Variants in HPSE2 observed in about 807,000 individuals in gnomAD.
HPSE2 encodes the protein inactive heparanase-2.
Under a neutral mutation model 60.5 loss-of-function variants are expected in HPSE2, and 38 were observed. The observed-to-expected ratio is 0.63, with a 90% CI of 0.48 to 0.82. The LOEUF (loss-of-function observed/expected upper bound fraction) is 0.82, where lower values mean the gene tolerates loss of function less well. Ranked by LOEUF, HPSE2 falls within the 40% of genes least tolerant of loss-of-function variation. The pLI, the probability that HPSE2 is intolerant of heterozygous loss-of-function variation, is 0.00. For missense variants in HPSE2, 713 were observed against 740.4 expected, an observed-to-expected ratio of 0.96 and a Z score of 0.43; for synonymous variants, 295 against 293.2, an observed-to-expected ratio of 1.01 and a Z score of -0.06.
chr10:98,459,672 G>T lies in HPSE2; in HGVS notation c.1681C>A (p.Arg561Ser), dbSNP rs201787008. The T allele has an allele frequency of 3.7e-5, 60 of 1,613,998 alleles. No homozygotes were observed. Among genetic ancestry groups the T allele is most frequent in the Non-Finnish European group, 6.8e-6 (8 of 1,180,020 alleles). The change falls in exon 12 of 12, where the codon CGC becomes AGC. Residue 561 changes from arginine (R) to serine (S), a missense_variant. Coordinates refer to ENST00000370552, the MANE Select transcript of HPSE2 (RefSeq NM_021828.5). ...DDGTLPELKP[R>S]PLRAGRTLVI... Reference sequence around the variant, plus strand: ...AATGTCCGGCCGGCCCGAAGGGGGCGGGGCTTCAATTCTGGGAGGGTCCCG... The same window carrying T: ...AATGTCCGGCCGGCCCGAAGGGGGCTGGGCTTCAATTCTGGGAGGGTCCCG...
intron 9 of HPSE2, among the ~76,000 whole-genome samples, chr10:98,600,895 A>ATATATGTGTGTGTG (rs1450872755): frequency 1.4e-5 from 1 of 69,418 alleles, no homozygotes; most frequent in Non-Finnish European, 3.2e-5. Context: ...ATATATACGT[A>ATATATGTGTGTGTG]TATATATGTG....
At chr10:98,987,269 C>T (rs1956387406) in intron 3 of HPSE2, among the ~76,000 whole-genome samples, 1 of 152,124 alleles carries the variant, frequency 6.6e-6, no homozygotes, top group South Asian at 2.1e-4. Context: ...CAAACCAAAT[C>T]CAGCAGCACA....
intron 3 of HPSE2, among the ~76,000 whole-genome samples, chr10:98,959,725 G>C (rs1296291809): frequency 6.6e-6 from 1 of 152,082 alleles, no homozygotes; most frequent in Non-Finnish European, 1.5e-5. Flanking sequence ...CAGACACATG[G>C]TCAGATTGGG....
chr10:99,014,714 T>G (rs1278585465), intron 3 of HPSE2, among the ~76,000 whole-genome samples: 3 of 152,196 alleles, frequency 2.0e-5, no homozygotes, highest in Non-Finnish European at 4.4e-5. Context: ...GATGTTGAGC[T>G]TTTCTTCACG....
chr10:99,270,097 A>T, the HPSE2 span, among the ~76,000 whole-genome samples: 1 of 152,164 alleles, frequency 6.6e-6, no homozygotes, highest in Non-Finnish European at 1.5e-5. Flanking sequence ...AATAAACCAA[A>T]CCCAAACCCA....
rs1234823119 is a variant in HPSE2 at position 99,011,837 on chromosome 10, G to C, written c.610+132401C>G. Among the ~76,000 whole-genome samples the C allele has an allele frequency of 2.7e-5, 4 of 148,908 alleles. No homozygotes were observed. The East Asian group carries it at 7.9e-4, about 30-fold the overall frequency. On this transcript the variant is annotated intron_variant, in intron 3 of 11. Transcript: ENST00000370552. The stretch of plus-strand genomic sequence containing the variant: ...TACTTCTTTGTACAAATAATACATT[G>C]TATCAATCAATCTTTAAAAGAAATT...
At chr10:99,099,433 C>G (rs1279759869) in intron 3 of HPSE2, among the ~76,000 whole-genome samples, 1 of 152,154 alleles carries the variant, frequency 6.6e-6, no homozygotes, top group African/African-American at 2.4e-5. Flanking sequence ...AAGGCAGCAG[C>G]GAGGCTGGGG....
intron 3 of HPSE2, among the ~76,000 whole-genome samples, chr10:99,011,832 A>G (rs1390520843): frequency 6.6e-6 from 1 of 151,910 alleles, no homozygotes; most frequent in Non-Finnish European, 1.5e-5. Context: ...TACAAATAAT[A>G]CATTGTATCA....
the HPSE2 span, among the ~76,000 whole-genome samples, chr10:99,254,825 A>G: frequency 3.3e-5 from 5 of 152,208 alleles, no homozygotes; most frequent in Non-Finnish European, 5.9e-5. Context: ...AAAAGACCAC[A>G]TAATACAAAA....
rs910931902 is a variant in HPSE2, at chr10:99,149,757, A to T, written c.449-5358T>A. Among the ~76,000 whole-genome samples, 3 of 152,208 alleles carry T rather than the reference A, an allele frequency of 2.0e-5. No homozygotes were observed. In the East Asian group the frequency reaches 5.8e-4, roughly 29 times the overall value. ...TATTTTTCTTATGTCTTTATCAGACATAATACAAAGAATAAAGACTCAAAG... is the reference window on the plus strand; with the variant it reads ...TATTTTTCTTATGTCTTTATCAGACTTAATACAAAGAATAAAGACTCAAAG... On this transcript the variant is annotated intron_variant, in intron 2 of 11. Coordinates refer to ENST00000370552, the MANE Select transcript of HPSE2 (RefSeq NM_021828.5).
At chr10:98,896,565 C>T (rs1953498601) in intron 3 of HPSE2, among the ~76,000 whole-genome samples, 1 of 152,036 alleles carries the variant, frequency 6.6e-6, no homozygotes, top group Non-Finnish European at 1.5e-5. Context: ...AAATCAATAA[C>T]ATGGTTTCAC....
chr10:99,309,162 C>T, the HPSE2 span, among the ~76,000 whole-genome samples: 1 of 151,984 alleles, frequency 6.6e-6, no homozygotes, highest in Admixed American at 6.6e-5. Context: ...TGTGTAGTTG[C>T]CAGGGGCTGG....
intron 3 of HPSE2, among the ~76,000 whole-genome samples, chr10:99,017,824 T>C (rs776734795): frequency 2.5e-4 from 38 of 152,204 alleles, no homozygotes; most frequent in Non-Finnish European, 4.9e-4. Flanking sequence ...CTCTGATATA[T>C]GCTTTCAATA....
chr10:98,794,505 G>A (rs2785228), intron 3 of HPSE2, among the ~76,000 whole-genome samples: 17,675 of 152,090 alleles, frequency 0.12, 2,614 homozygotes, highest in African/African-American at 0.34. Flanking sequence ...TTGGCCTCCC[G>A]AAGTGTTGGG....
At chr10:98,700,006 TG>T (rs1948356869) in intron 5 of HPSE2, among the ~76,000 whole-genome samples, 1 of 151,600 alleles carries the variant, frequency 6.6e-6, no homozygotes, top group Non-Finnish European at 1.5e-5. Flanking sequence ...TGCAAACGAA[TG>T]GAAGAACATT....
intron 3 of HPSE2, among the ~76,000 whole-genome samples, chr10:98,749,658 T>C (rs1348057563): frequency 3.3e-5 from 5 of 151,042 alleles, no homozygotes; most frequent in Non-Finnish European, 7.4e-5. Flanking sequence ...ACTTTCAGTA[T>C]AGTATTCAAT....
chr10:98,915,005 T>TG, intron 3 of HPSE2, among the ~76,000 whole-genome samples: 1 of 151,280 alleles, frequency 6.6e-6, no homozygotes, highest in Non-Finnish European at 1.5e-5. Flanking sequence ...TCATATGCAC[T>TG]GAAAAAAAAA....
Position 98,918,572 on chromosome 10 carries a change from C to T in HPSE2, c.611-174516G>A, listed in dbSNP as rs185649667. On this transcript the variant is annotated intron_variant, in intron 3 of 11. Transcript: ENST00000370552. ...GAAATCATCATTCTCAGTAAACTAT[C>T]GCAAGGACAAAAAACCAAACACCGC... Among the ~76,000 whole-genome samples, 483 of 147,876 alleles carry T rather than the reference C, an allele frequency of 3.3e-3. 1 individual carries two copies. Among genetic ancestry groups the T allele is most frequent in the Non-Finnish European group, 5.4e-3 (363 of 67,106 alleles).
intron 3 of HPSE2, among the ~76,000 whole-genome samples, chr10:98,830,086 A>G (rs1046952244): frequency 6.6e-6 from 1 of 151,768 alleles, no homozygotes; most frequent in Non-Finnish European, 1.5e-5. Context: ...TCATTCACTC[A>G]TTCATTCATT....
Sources: allele counts gnomAD v4.1 joint callset (sites outside exome capture counted in the v4.1 genomes callset), GRCh38; gene constraint gnomAD v4.1.1; transcripts MANE v1.5; gene names NCBI Gene and HGNC (gene_info 2026-07-23, HGNC 2026-07-21).